The following PACS2 variants were observed in gnomAD, a reference collection of about 807,000 sequenced individuals.
PACS2 encodes phosphofurin acidic cluster sorting protein 2, also known as PACS1-like protein.
In PACS2, 36 loss-of-function variants were observed where a neutral mutation model predicts 113.0. That is an observed-to-expected ratio of 0.32 (90% CI 0.24 to 0.42). PACS2 has a LOEUF of 0.42. Ranked by LOEUF, PACS2 falls within the 10% of genes least tolerant of loss-of-function variation. PACS2 has a pLI of 1.00. For synonymous variants in PACS2, 589 were observed against 536.1 expected (o/e 1.10, Z -1.36); for missense variants, 1,015 against 1,239.5 (o/e 0.82, Z 2.72).
At chr14:105,341,382 A>G (rs995311864) in intron 1 of PACS2, among the ~76,000 whole-genome samples, 1 of 152,230 alleles carries the variant, frequency 6.6e-6, no homozygotes, top group Non-Finnish European at 1.5e-5. Context: ...GTTGTCTTGG[A>G]TGTGAACATT....
chr14:105,317,752 C>G lies in PACS2; in HGVS notation c.119+2715C>G, dbSNP rs587774173. On this transcript the variant is annotated intron_variant, in intron 1 of 24. Coordinates refer to ENST00000447393, the MANE Select transcript of PACS2 (RefSeq NM_001100913.3). This position sits in a 1 kb window ranked among gnomAD's most constrained non-coding sequence, Gnocchi z 4.2. ...TCTGAGCAGCCTCTGGGTGCACTCCCCGTGTCAGCCTGGTGGAGTGTGCAC... is the reference window on the plus strand; with the variant it reads ...TCTGAGCAGCCTCTGGGTGCACTCCGCGTGTCAGCCTGGTGGAGTGTGCAC... 6.6e-6 allele frequency among the ~76,000 whole-genome samples: 1 copy of G among 152,288 alleles called. No individual in the cohort carries two copies. Among genetic ancestry groups the G allele is most frequent in the African/African-American group, 2.4e-5 (1 of 41,556 alleles).
At chr14:105,369,009 G>A (rs969373313) in intron 7 of PACS2, among the ~76,000 whole-genome samples, 12 of 152,228 alleles carry the variant, frequency 7.9e-5, no homozygotes, top group Middle Eastern at 3.2e-3. Flanking sequence ...GGCCGTGTCC[G>A]GCACTGGCAC....
At chr14:105,392,363 T>C in intron 22 of PACS2, 3 of 535,082 alleles carry the variant, frequency 5.6e-6, no homozygotes. Flanking sequence ...AAGGGGCAGC[T>C]TGGAGAGCAG....
At position 105,367,253 on chromosome 14, in the gene PACS2, T is replaced by C; in HGVS notation, c.464T>C (p.Leu155Pro). 6.2e-7 allele frequency: 1 copy of C among 1,613,122 alleles called. No individual in the cohort carries two copies. Among genetic ancestry groups the C allele is most frequent in the Non-Finnish European group, 8.5e-7 (1 of 1,179,962 alleles). The change falls in exon 5 of 25, where the codon CTC becomes CCC. Residue 155 changes from leucine (L) to proline (P), a missense_variant. Around this residue, in one of 3 missense-constraint regions of PACS2, gnomAD observed 859 missense variants for 1,056.8 expected, o/e 0.81. Coordinates refer to ENST00000447393, the MANE Select transcript of PACS2 (RefSeq NM_001100913.3). ...TCTGAAGGTGGCCAGGTGCTGAGCC[T>C]CTGCAGCAGCATCAAGGAGGCCCCC... ...HPSEGGQVLS[L>P]CSSIKEAPVK...
intron 24 of PACS2, 34 bp downstream of exon 24, chr14:105,393,369 G>T (rs781806468): frequency 8.9e-6 from 13 of 1,459,862 alleles, no homozygotes; most frequent in Non-Finnish European, 1.1e-5. Context: ...CTGTAGAGTG[G>T]GACGTAGGTG....
chr14:105,362,234 C>G (rs778670262), intron 4 of PACS2, among the ~76,000 whole-genome samples: 3 of 150,712 alleles, frequency 2.0e-5, no homozygotes, highest in Non-Finnish European at 4.4e-5. Context: ...CTGGCTAACA[C>G]AGTGAAACAC....
At chr14:105,364,448 G>T (rs1333811653) in intron 4 of PACS2, among the ~76,000 whole-genome samples, 1 of 137,164 alleles carries the variant, frequency 7.3e-6, no homozygotes. Context: ...GCGGCGTCCC[G>T]GGTGCGCGGT....
At chr14:105,390,516 C>T (rs2081319996) in intron 20 of PACS2, 1 of 180,756 alleles carries the variant, frequency 5.5e-6, no homozygotes, top group Admixed American at 5.4e-5. Flanking sequence ...TCTTTTCGCT[C>T]TGTTGTGTGG....
rs903704327 is a variant in PACS2, at chr14:105,365,167, A to T, written c.424-2046A>T. ...AGAGCATCTGCTGGACTAACCCGGG[A>T]GGGTGGTCTCAGGGTCAGCAGGGGC... On this transcript the variant is annotated intron_variant, in intron 4 of 24. Coordinates refer to ENST00000447393, the MANE Select transcript of PACS2 (RefSeq NM_001100913.3). The surrounding 1 kb of genome is among the most constrained non-coding windows in gnomAD (Gnocchi z 5.1). 6.6e-6 allele frequency among the ~76,000 whole-genome samples: 1 copy of T among 152,158 alleles called. No homozygotes were observed. Among genetic ancestry groups the T allele is most frequent in the Non-Finnish European group, 1.5e-5 (1 of 68,020 alleles).
At chr14:105,373,696 G>C (rs11850746) in intron 8 of PACS2, among the ~76,000 whole-genome samples, 7,499 of 152,110 alleles carry the variant, frequency 0.049, 641 homozygotes, top group African/African-American at 0.17. Flanking sequence ...GCTGAGGTGG[G>C]AGAATCACCT....
chr14:105,394,338 G>A lies in PACS2; in HGVS notation c.2597-216G>A, dbSNP rs2081473562. On this transcript the variant is annotated intron_variant, in intron 24 of 24. Coordinates refer to ENST00000447393, the MANE Select transcript of PACS2 (RefSeq NM_001100913.3). ...TGCCCTCCCCACCCCCCAGGGCTCT[G>A]AGTGTGGAGGGCAGGGGCAGGAATG... 4 of 985,174 alleles carry A rather than the reference G, an allele frequency of 4.1e-6. 1 individual carries two copies. The highest frequency in any genetic ancestry group is 9.4e-5 in the South Asian group (2 of 21,292). 61.0% of individuals were successfully genotyped at this position (985,174 alleles called of 1,614,324 possible).
At position 105,340,011 on chromosome 14, in the gene PACS2, T is replaced by A. The variant is rs1452371692; in HGVS notation, c.120-8482T>A. Among the ~76,000 whole-genome samples the A allele has an allele frequency of 6.6e-6, 1 of 152,244 alleles. No homozygotes were observed. Among genetic ancestry groups the A allele is most frequent in the African/African-American group, 2.4e-5 (1 of 41,470 alleles). ...CCAGGCTGGTCTTGAGCTCCTGGGC[T>A]CAGGTGATCCACCTGCCTTGGCCTC... On this transcript the variant is annotated intron_variant, in intron 1 of 24. Coordinates refer to ENST00000447393, the MANE Select transcript of PACS2 (RefSeq NM_001100913.3). This position sits in a 1 kb window ranked among gnomAD's most constrained non-coding sequence, Gnocchi z 4.2.
At chr14:105,362,763 A>G (rs970890449) in intron 4 of PACS2, among the ~76,000 whole-genome samples, 9 of 152,090 alleles carry the variant, frequency 5.9e-5, no homozygotes, top group Non-Finnish European at 1.2e-4. Flanking sequence ...AGGCAGGAGA[A>G]TCGCTTGAAC....
chr14:105,383,069 C>T lies in PACS2; in HGVS notation c.1625+156C>T. ...ACCCATGCGCTCTTCGCAGCCTGGC[C>T]TCCCCTCAGTTGTGGGCGGGAGCAG... On this transcript the variant is annotated intron_variant, in intron 15 of 24. Transcript: ENST00000447393. 5 of 630,562 alleles carry T rather than the reference C, an allele frequency of 7.9e-6. No individual in the cohort carries two copies. The South Asian group carries it at 9.3e-5, about 12-fold the overall frequency. 39.1% of individuals were successfully genotyped at this position (630,562 alleles called of 1,614,324 possible).
intron 7 of PACS2, 129 bp from the exon 8 acceptor site, chr14:105,369,712 G>A (rs1308000351): frequency 4.1e-5 from 29 of 711,516 alleles, no homozygotes; most frequent in Admixed American, 9.3e-5. Flanking sequence ...ATCCATCAGC[G>A]TGGCTGGTGC....
At chr14:105,320,060 C>T (rs587683433) in intron 1 of PACS2, among the ~76,000 whole-genome samples, 1 of 152,320 alleles carries the variant, frequency 6.6e-6, no homozygotes, top group East Asian at 1.9e-4. Flanking sequence ...TCACTGCAAC[C>T]TCTGCCTCCC....
chr14:105,388,070 G>A (rs2081238347), intron 19 of PACS2, among the ~76,000 whole-genome samples: 1 of 152,252 alleles, frequency 6.6e-6, no homozygotes, highest in Admixed American at 6.5e-5. Flanking sequence ...ATCGCTTTAT[G>A]TTATTTGAAA....
rs369842739 is a variant in PACS2, at chr14:105,348,762, G to C, written c.207+182G>C. 5.1e-6 allele frequency: 3 copies of C among 586,656 alleles called. No individual in the cohort carries two copies. The highest frequency in any genetic ancestry group is 6.1e-6 in the Non-Finnish European group (2 of 327,380). 36.3% of individuals were successfully genotyped at this position (586,656 alleles called of 1,614,324 possible). A position where few individuals can be genotyped will look rare whatever the true frequency, so the allele number is the denominator to read the frequency against. On this transcript the variant is annotated intron_variant, in intron 2 of 24. Coordinates refer to ENST00000447393, the MANE Select transcript of PACS2 (RefSeq NM_001100913.3). The surrounding 1 kb of genome is among the most constrained non-coding windows in gnomAD (Gnocchi z 6.4). ...ATGCTCCTGGGTCCAGTCCTGTCCC[G>C]CACAAGGGAGGCAGGCCCGGCCTTC...
intron 3 of PACS2, among the ~76,000 whole-genome samples, chr14:105,353,016 C>T: frequency 7.6e-6 from 1 of 132,156 alleles, no homozygotes; most frequent in Non-Finnish European, 1.6e-5. Flanking sequence ...TCACTGTCCC[C>T]TGGGGAGACG....
Sources: gnomAD v4.1 joint callset for allele counts (sites outside exome capture counted in the v4.1 genomes callset) on GRCh38, gnomAD v4.1.1 for gene constraint, gnomAD v4.1.1 regional missense constraint, Gnocchi (gnomAD v3.1) non-coding constraint, MANE v1.5 for transcripts, NCBI Gene and HGNC (gene_info 2026-07-23, HGNC 2026-07-21) for gene names.